The following ADAMTS19 variants were observed in gnomAD, a reference collection of about 807,000 sequenced individuals.
ADAMTS19 encodes A disintegrin and metalloproteinase with thrombospondin motifs 19.
A neutral mutation model predicts 153.3 loss-of-function variants in ADAMTS19; 93 were observed. That is an observed-to-expected ratio of 0.61 (90% confidence interval 0.51 to 0.72). The LOEUF (loss-of-function observed/expected upper bound fraction) is 0.72, where lower values mean the gene tolerates loss of function less well. Among genes scored for constraint, ADAMTS19 ranks in the 30% least tolerant of loss-of-function variants. The pLI, the probability that ADAMTS19 is intolerant of heterozygous loss-of-function variation, is 0.00. For missense variants in ADAMTS19, 1,482 were observed against 1,552.1 expected (o/e 0.95, Z 0.76); for synonymous variants, 600 against 556.6 (o/e 1.08, Z -1.10).
chr5:129,480,148 T>C (rs572537227), intron 2 of ADAMTS19, among the ~76,000 whole-genome samples: 14 of 152,300 alleles, frequency 9.2e-5, no homozygotes, highest in African/African-American at 3.1e-4. Flanking sequence ...TACTTAAATA[T>C]GGCTAGTTGA....
chr5:129,732,245 T>G (rs1279857885), intron 21 of ADAMTS19, among the ~76,000 whole-genome samples: 1 of 152,106 alleles, frequency 6.6e-6, no homozygotes, highest in African/African-American at 2.4e-5. Context: ...GGGAAAAAGT[T>G]GAATGCATTT....
At chr5:129,714,534 A>G (rs1756636355) in intron 21 of ADAMTS19, among the ~76,000 whole-genome samples, 1 of 152,210 alleles carries the variant, frequency 6.6e-6, no homozygotes, top group Non-Finnish European at 1.5e-5. Flanking sequence ...TATGTTTACA[A>G]GTAAACATGC....
At chr5:129,734,846 T>C in intron 21 of ADAMTS19, 86 bp from the exon 22 acceptor site, 1 of 1,179,720 alleles carries the variant, frequency 8.5e-7, no homozygotes, top group Non-Finnish European at 1.1e-6. Context: ...AAGAAACATT[T>C]AGAGAATGTT....
intron 10 of ADAMTS19, among the ~76,000 whole-genome samples, chr5:129,623,831 G>C (rs968388870): frequency 9.3e-5 from 14 of 150,812 alleles, no homozygotes; most frequent in Admixed American, 6.0e-4. Context: ...TGTGTAAAAG[G>C]CTGTATGGAC....
At chr5:129,627,537 AG>A (rs1418266639) in intron 10 of ADAMTS19, among the ~76,000 whole-genome samples, 1 of 151,888 alleles carries the variant, frequency 6.6e-6, no homozygotes, top group African/African-American at 2.4e-5. Flanking sequence ...AGCTCTGCAC[AG>A]CAAAAGAAAC....
intron 8 of ADAMTS19, among the ~76,000 whole-genome samples, chr5:129,612,248 G>T (rs1361872286): frequency 6.6e-6 from 1 of 150,978 alleles, no homozygotes; most frequent in East Asian, 2.0e-4. Flanking sequence ...CCTTGCGATA[G>T]TTTGCTGAGA....
intron 22 of ADAMTS19, among the ~76,000 whole-genome samples, chr5:129,736,425 C>T (rs1362793498): frequency 6.6e-6 from 1 of 152,018 alleles, no homozygotes; most frequent in Non-Finnish European, 1.5e-5. Context: ...ATTATGCATT[C>T]CAGAACACAC....
intron 8 of ADAMTS19, among the ~76,000 whole-genome samples, chr5:129,615,292 C>T (rs1410830717): frequency 6.6e-6 from 1 of 151,776 alleles, no homozygotes; most frequent in Non-Finnish European, 1.5e-5. Flanking sequence ...AAAGGTTAGG[C>T]TGGAATTAAC....
intron 7 of ADAMTS19, among the ~76,000 whole-genome samples, chr5:129,556,542 A>G (rs564235065): frequency 6.6e-6 from 1 of 152,298 alleles, no homozygotes; most frequent in Non-Finnish European, 1.5e-5. Flanking sequence ...TTACAAAGCA[A>G]CAAAGAATTA....
At chr5:129,532,868 G>A (rs912807131) in intron 6 of ADAMTS19, among the ~76,000 whole-genome samples, 1 of 152,092 alleles carries the variant, frequency 6.6e-6, no homozygotes, top group Admixed American at 6.5e-5. Context: ...GGAGGCCTAG[G>A]CAGGCAGGCA....
At chr5:129,670,410 C>A (rs935917092) in intron 16 of ADAMTS19, among the ~76,000 whole-genome samples, 9 of 152,072 alleles carry the variant, frequency 5.9e-5, no homozygotes, top group Non-Finnish European at 1.2e-4. Context: ...TCCATAAATC[C>A]TCAGAATACC....
chr5:129,548,701 A>G (rs1752954940), intron 6 of ADAMTS19, among the ~76,000 whole-genome samples: 1 of 152,072 alleles, frequency 6.6e-6, no homozygotes, highest in African/African-American at 2.4e-5. Flanking sequence ...ATTATAAATC[A>G]TGCTGCTATA....
Position 129,737,051 on chromosome 5 carries a change from A to G in ADAMTS19, c.3491-16A>G. 1 of 1,570,630 alleles carries G rather than the reference A, an allele frequency of 6.4e-7. No homozygotes were observed. Among genetic ancestry groups the G allele is most frequent in the South Asian group, 1.2e-5 (1 of 86,168 alleles). On this transcript the variant is annotated splice_polypyrimidine_tract_variant and intron_variant, in intron 22 of 22. Transcript: ENST00000274487. The stretch of plus-strand genomic sequence containing the variant: ...GATATCTGCATGGAGTGAATTCACT[A>G]TGTTCTGTTTCACAGCTGCTCTGAC...
intron 7 of ADAMTS19, among the ~76,000 whole-genome samples, chr5:129,563,942 C>T (rs1326954973): frequency 3.3e-5 from 5 of 151,080 alleles, no homozygotes; most frequent in African/African-American, 1.2e-4. Context: ...TTTTTTGACA[C>T]GTAGTATCTC....
At chr5:129,703,589 G>C (rs756431874) in intron 20 of ADAMTS19, among the ~76,000 whole-genome samples, 16 of 151,994 alleles carry the variant, frequency 1.1e-4, no homozygotes, top group Non-Finnish European at 8.8e-5. Flanking sequence ...GAAATTAGCT[G>C]GGCATGGTGG....
intron 21 of ADAMTS19, among the ~76,000 whole-genome samples, chr5:129,714,282 G>A (rs1158376144): frequency 2.0e-5 from 3 of 150,768 alleles, no homozygotes; most frequent in South Asian, 2.1e-4. Flanking sequence ...AGCCGGGCGC[G>A]GTGGCGGGCG....
chr5:129,656,533 T>C (rs1286938460), intron 14 of ADAMTS19, among the ~76,000 whole-genome samples: 2 of 152,212 alleles, frequency 1.3e-5, no homozygotes, highest in East Asian at 1.9e-4. Flanking sequence ...GGCTGGAGCC[T>C]GTATGATCAT....
At chr5:129,653,922 C>T (rs953862802) in intron 13 of ADAMTS19, among the ~76,000 whole-genome samples, 1 of 151,928 alleles carries the variant, frequency 6.6e-6, no homozygotes, top group African/African-American at 2.4e-5. Context: ...GACTTAAAGA[C>T]AGGTAGAATC....
At chr5:129,578,083 T>C (rs62399003) in intron 7 of ADAMTS19, among the ~76,000 whole-genome samples, 201 of 34,654 alleles carry the variant, frequency 5.8e-3, no homozygotes, top group Non-Finnish European at 0.017. Context: ...CACACACATA[T>C]ATACATATAC....
Sources: gnomAD v4.1 joint callset for allele counts (sites outside exome capture counted in the v4.1 genomes callset) on GRCh38, gnomAD v4.1.1 for gene constraint, MANE v1.5 for transcripts, NCBI Gene and HGNC (gene_info 2026-07-23, HGNC 2026-07-21) for gene names.